The following GRIA1 variants were observed in gnomAD, a reference collection of about 807,000 sequenced individuals.
GRIA1 encodes glutamate receptor 1.
In GRIA1, 31 loss-of-function variants were observed where a neutral mutation model predicts 99.2. The ratio of observed to expected loss-of-function variants is 0.31; its 90% confidence interval spans 0.23 to 0.42. The LOEUF is 0.42. Among genes scored for constraint, GRIA1 ranks in the 10% least tolerant of loss-of-function variants. The pLI, the probability that GRIA1 is intolerant of heterozygous loss-of-function variation, is 1.00. For missense variants in GRIA1, 782 were observed against 1,157.5 expected (o/e 0.68, Z 4.71); for synonymous variants, 438 against 432.4 (o/e 1.01, Z -0.16).
chr5:153,632,100 T>C (rs1388618411), intron 2 of GRIA1, among the ~76,000 whole-genome samples: 1 of 152,120 alleles, frequency 6.6e-6, no homozygotes, highest in Non-Finnish European at 1.5e-5. Flanking sequence ...TGACAGGATG[T>C]GATTTCCATT....
chr5:153,515,752 A>C (rs1179857883), intron 2 of GRIA1, among the ~76,000 whole-genome samples: 1 of 152,224 alleles, frequency 6.6e-6, no homozygotes, highest in African/African-American at 2.4e-5. Context: ...TCAATTAAAA[A>C]CAAATTTTTT....
chr5:153,692,730 T>C (rs1757849878), intron 8 of GRIA1, among the ~76,000 whole-genome samples: 1 of 152,174 alleles, frequency 6.6e-6, no homozygotes, highest in Non-Finnish European at 1.5e-5. Context: ...GCAAGGACCA[T>C]ATTTGTATTT....
At chr5:153,611,640 T>C (rs190202108) in intron 2 of GRIA1, among the ~76,000 whole-genome samples, 1 of 152,288 alleles carries the variant, frequency 6.6e-6, no homozygotes, top group East Asian at 1.9e-4. Context: ...TCACGAAGAC[T>C]TAAAATTAAA....
chr5:153,682,911 T>C (rs977065834), intron 7 of GRIA1, among the ~76,000 whole-genome samples: 4 of 152,370 alleles, frequency 2.6e-5, no homozygotes, highest in Admixed American at 6.5e-5. Context: ...AAAGGAAATA[T>C]ATGCTTCAGC....
chr5:153,781,923 C>T (rs1764660506), intron 13 of GRIA1, among the ~76,000 whole-genome samples: 4 of 152,126 alleles, frequency 2.6e-5, no homozygotes, highest in African/African-American at 7.2e-5. Context: ...GGGACCGCAA[C>T]CTCAAACACC....
intron 2 of GRIA1, among the ~76,000 whole-genome samples, chr5:153,506,702 G>C (rs895788852): frequency 6.6e-6 from 1 of 152,140 alleles, no homozygotes; most frequent in African/African-American, 2.4e-5. Flanking sequence ...CAAGAATGTT[G>C]GGGGACAGGA....
chr5:153,593,545 G>C (rs1009465455), intron 2 of GRIA1, among the ~76,000 whole-genome samples: 1 of 151,992 alleles, frequency 6.6e-6, no homozygotes, highest in African/African-American at 2.4e-5. Flanking sequence ...TAAACTTTTT[G>C]TGTTTCTGCT....
At chr5:153,544,804 G>A (rs775095858) in intron 2 of GRIA1, among the ~76,000 whole-genome samples, 14 of 152,100 alleles carry the variant, frequency 9.2e-5, no homozygotes, top group Non-Finnish European at 1.6e-4. Flanking sequence ...AGTGAGTGTG[G>A]CCAGTATTAT....
At chr5:153,660,418 A>T (rs1162388535) in intron 5 of GRIA1, among the ~76,000 whole-genome samples, 4 of 152,186 alleles carry the variant, frequency 2.6e-5, no homozygotes, top group Admixed American at 2.0e-4. Context: ...ACTTTTCCAC[A>T]GTCACAAAAC....
At chr5:153,566,214 G>A (rs1003529377) in intron 2 of GRIA1, among the ~76,000 whole-genome samples, 1 of 149,380 alleles carries the variant, frequency 6.7e-6, no homozygotes, top group South Asian at 2.2e-4. Context: ...TTTACATTTT[G>A]TAACGACTGA....
chr5:153,563,363 A>G lies in GRIA1; in HGVS notation c.220+69298A>G, dbSNP rs577238639. 8.5e-5 allele frequency among the ~76,000 whole-genome samples: 13 copies of G among 152,256 alleles called. No homozygotes were observed. In the East Asian group the frequency reaches 2.5e-3, roughly 29 times the overall value. ...ATAATGGAGCTTAGCCCTCAGAGAT[A>G]TGGAAGACACCAATTGTTTCGTTCT... On this transcript the variant is annotated intron_variant, in intron 2 of 15. Transcript: ENST00000285900.
At chr5:153,772,484 G>T (rs746573254) in intron 13 of GRIA1, among the ~76,000 whole-genome samples, 14 of 152,056 alleles carry the variant, frequency 9.2e-5, no homozygotes, top group Non-Finnish European at 8.8e-5. Context: ...AGGTGGGGAA[G>T]AATTTTATAA....
At position 153,655,815 on chromosome 5, in the gene GRIA1, G is replaced by C. The variant is rs1316049281; in HGVS notation, c.646-4G>C. 3 of 1,612,270 alleles carry C rather than the reference G, an allele frequency of 1.9e-6. No individual in the cohort carries two copies. The highest frequency in any genetic ancestry group is 1.7e-5 in the Admixed American group (1 of 59,964). ...AATGAGTCTCCACCTATTATGTTTT[G>C]TAGATTATAAAGCTAGAGAAGAATG... On this transcript the variant is annotated splice_region_variant and splice_polypyrimidine_tract_variant and intron_variant, in intron 4 of 15. Transcript: ENST00000285900.
chr5:153,580,407 G>T (rs979844120), intron 2 of GRIA1, among the ~76,000 whole-genome samples: 2 of 152,078 alleles, frequency 1.3e-5, no homozygotes, highest in Non-Finnish European at 2.9e-5. Context: ...CATTATCTTG[G>T]CCAATTTGAG....
intron 11 of GRIA1, among the ~76,000 whole-genome samples, chr5:153,719,325 T>C (rs1190381446): frequency 2.0e-5 from 3 of 152,098 alleles, no homozygotes; most frequent in Admixed American, 2.0e-4. Context: ...AAATAACAGT[T>C]ATTTTATTAA....
At chr5:153,721,040 C>T (rs568183472) in intron 11 of GRIA1, among the ~76,000 whole-genome samples, 21 of 152,142 alleles carry the variant, frequency 1.4e-4, no homozygotes, top group African/African-American at 3.9e-4. Context: ...CCATCTGACT[C>T]GGATGGGAAA....
At chr5:153,671,732 C>T (rs1756193279) in intron 5 of GRIA1, among the ~76,000 whole-genome samples, 1 of 152,126 alleles carries the variant, frequency 6.6e-6, no homozygotes, top group African/African-American at 2.4e-5. Context: ...TTTGTTCACT[C>T]AACAAATATA....
chr5:153,564,018 G>T (rs1293415116), intron 2 of GRIA1, among the ~76,000 whole-genome samples: 4 of 152,208 alleles, frequency 2.6e-5, no homozygotes, highest in African/African-American at 9.6e-5. Context: ...GGGATATGTT[G>T]TATAAATCAT....
chr5:153,793,782 C>T (rs1293964431), intron 13 of GRIA1, among the ~76,000 whole-genome samples: 2 of 152,138 alleles, frequency 1.3e-5, no homozygotes, highest in African/African-American at 2.4e-5. Flanking sequence ...TGGGATTTGC[C>T]GAATACTAAC....
Sources: gnomAD v4.1 joint callset for allele counts (sites outside exome capture counted in the v4.1 genomes callset) on GRCh38, gnomAD v4.1.1 for gene constraint, MANE v1.5 for transcripts, NCBI Gene and HGNC (gene_info 2026-07-23, HGNC 2026-07-21) for gene names.